The following SLC17A5 variants were observed in gnomAD, a reference collection of about 807,000 sequenced individuals.
The protein encoded by SLC17A5 is solute carrier family 17 member 5.
A neutral mutation model predicts 59.4 loss-of-function variants in SLC17A5; 47 were observed. The ratio of observed to expected loss-of-function variants is 0.79; its 90% CI spans 0.63 to 1.01. The LOEUF (loss-of-function observed/expected upper bound fraction) is 1.01. Ranked by LOEUF, SLC17A5 falls within the 50% of genes least tolerant of loss-of-function variation. SLC17A5 has a pLI of 0.00. For synonymous variants in SLC17A5, 202 were observed against 210.7 expected (o/e 0.96, Z 0.36); for missense variants, 522 against 595.5 (o/e 0.88, Z 1.28).
At chr6:73,644,684 C>A in intron 1 of SLC17A5, 81 bp from the exon 2 acceptor site, 14 of 1,373,818 alleles carry the variant, frequency 1.0e-5, no homozygotes, top group Non-Finnish European at 1.3e-5. Context: ...GTTGCTTAGG[C>A]TGGTCTTGAA....
At chr6:73,625,038 T>C (rs1768340633) in intron 6 of SLC17A5, among the ~76,000 whole-genome samples, 1 of 152,190 alleles carries the variant, frequency 6.6e-6, no homozygotes, top group Admixed American at 6.6e-5. Context: ...GAGCAATCTA[T>C]GTTTCTGCCT....
chr6:73,621,858 T>C lies in SLC17A5; in HGVS notation c.924A>G (p.Leu308=), dbSNP rs2150099285. 1 of 1,613,460 alleles carries C rather than the reference T, an allele frequency of 6.2e-7. No homozygotes were observed. The highest frequency in any genetic ancestry group is 8.5e-7 in the Non-Finnish European group (1 of 1,179,440). Residue 308 remains leucine, a synonymous_variant, in exon 7 of 11, where the codon TTA becomes TTG. Transcript: ENST00000355773. The part of the protein sequence containing the change: ...HFSYNWTFYT[L]LTLLPTYMKE... ...TCATATAAGTAGGCAATAATGTCAA[T>C]AAAGTATAAAAAGTCCAGTTGTAAG...
At chr6:73,606,080 C>T (rs1489518551) in intron 9 of SLC17A5, among the ~76,000 whole-genome samples, 1 of 152,010 alleles carries the variant, frequency 6.6e-6, no homozygotes, top group African/African-American at 2.4e-5. Context: ...TCTCACTCTG[C>T]AGCCCAGGCT....
At position 73,614,861 on chromosome 6, in the gene SLC17A5, TATA is replaced by T. The variant is rs376965494; in HGVS notation, c.1111+451_1111+453del. On this transcript the variant is annotated intron_variant, in intron 8 of 10. Coordinates refer to ENST00000355773, the MANE Select transcript of SLC17A5 (RefSeq NM_012434.5). The stretch of plus-strand genomic sequence containing the variant: ...CATCTATATCCTTTGCAATACCCTT[TATA>T]ATAAGTGGGTAAACATAAAATAAAG... Among the ~76,000 whole-genome samples the T allele has an allele frequency of 4.6e-5, 7 of 152,272 alleles. No individual in the cohort carries two copies. The South Asian group carries it at 8.3e-4, about 18-fold the overall frequency.
At chr6:73,643,317 C>T (rs1187565432) in intron 2 of SLC17A5, among the ~76,000 whole-genome samples, 5 of 151,482 alleles carry the variant, frequency 3.3e-5, no homozygotes, top group African/African-American at 4.9e-5. Context: ...CCCACCACCT[C>T]GCCCGTCTAA....
chr6:73,643,738 A>C lies in SLC17A5; in HGVS notation c.291+669T>G, dbSNP rs1356903835. On this transcript the variant is annotated intron_variant, in intron 2 of 10. Transcript: ENST00000355773. ...GTGATCCACCTGCCTCAGCCTCCTA[A>C]AGTGCTGGGATTACAGGCATGAGTC... Among the ~76,000 whole-genome samples, 4 of 152,176 alleles carry C rather than the reference A, an allele frequency of 2.6e-5. No individual in the cohort carries two copies. In the East Asian group the frequency reaches 7.7e-4, roughly 29 times the overall value.
chr6:73,627,898 A>T (rs1245309798), intron 6 of SLC17A5, among the ~76,000 whole-genome samples: 1 of 149,860 alleles, frequency 6.7e-6, no homozygotes, highest in African/African-American at 2.5e-5. Flanking sequence ...CTGGGATTAC[A>T]GGCGTGAGCC....
At chr6:73,626,037 G>A (rs1768393593) in intron 6 of SLC17A5, among the ~76,000 whole-genome samples, 1 of 152,230 alleles carries the variant, frequency 6.6e-6, no homozygotes, top group African/African-American at 2.4e-5. Flanking sequence ...CACAAAGGAA[G>A]TGAAATCATT....
chr6:73,624,038 G>A (rs1008772742), intron 6 of SLC17A5, among the ~76,000 whole-genome samples: 7 of 151,978 alleles, frequency 4.6e-5, no homozygotes, highest in South Asian at 2.1e-4. Context: ...CAACTACTTC[G>A]CCAAGCAAAA....
rs200139054 is a variant in SLC17A5 at position 73,644,528 on chromosome 6, C to A, written c.170G>T (p.Arg57Leu). The change falls in exon 2 of 11, where the codon CGT becomes CTT. Residue 57 changes from arginine (R) to leucine (L), a missense_variant. Physicochemically the swap from Arg to Leu is moderately radical, Grantham distance 102. Around this residue, in one of 3 missense-constraint regions of SLC17A5, gnomAD observed 338 missense variants for 363.8 expected, o/e 0.93. Coordinates refer to ENST00000355773, the MANE Select transcript of SLC17A5 (RefSeq NM_012434.5). ...FFGFFIVYALRVNLSVALVDM... is the reference protein window; with the variant it reads ...FFGFFIVYALLVNLSVALVDM... ...CACTAACGCAACACTCAGATTCACA[C>A]GTAATGCATACACAATGAAGAAACC... 6.2e-7 allele frequency: 1 copy of A among 1,613,924 alleles called. No individual in the cohort carries two copies.
Position 73,615,315 on chromosome 6 carries a change from C to T in SLC17A5, c.1111G>A (p.Gly371Arg), listed in dbSNP as rs1277966688. 6.2e-7 allele frequency: 1 copy of T among 1,613,982 alleles called. No homozygotes were observed. The change falls in exon 8 of 11, where the codon GGA becomes AGA. Residue 371 changes from glycine (G) to arginine (R), a missense_variant and splice_region_variant. Physicochemically the swap from Gly to Arg is moderately radical, Grantham distance 125 (BLOSUM62 -2). Around this residue, in one of 3 missense-constraint regions of SLC17A5, gnomAD observed 153 missense variants for 168.5 expected, o/e 0.91. Coordinates refer to ENST00000355773, the MANE Select transcript of SLC17A5 (RefSeq NM_012434.5). ...AACAAAACCTGATTGCTTCACTTAC[C>T]TATAAGGCTAAAAATTCTGCGAACA... The part of the protein sequence containing the change: ...LCVRRIFSLI[G>R]MIGPAVFLVA...
In SLC17A5 at chr6:73,609,916, T is replaced by C. The variant is rs551855378; in HGVS notation, c.1259+484A>G. On this transcript the variant is annotated intron_variant, in intron 9 of 10. Transcript: ENST00000355773. ...TTGTGTTTAACGGGTACAGTTTCTG[T>C]TGAGAAGATGAAATTGCTCTAGAGA... Among the ~76,000 whole-genome samples the C allele has an allele frequency of 2.0e-5, 3 of 152,280 alleles. No individual in the cohort carries two copies. In the South Asian group the frequency reaches 6.2e-4, roughly 32 times the overall value.
At chr6:73,633,604 C>A (rs1768865428) in intron 6 of SLC17A5, among the ~76,000 whole-genome samples, 1 of 151,758 alleles carries the variant, frequency 6.6e-6, no homozygotes, top group Non-Finnish European at 1.5e-5. Context: ...TTGGGCTAGG[C>A]ACAGTGGTTC....
chr6:73,609,549 G>C (rs1258893937), intron 9 of SLC17A5, among the ~76,000 whole-genome samples: 1 of 121,420 alleles, frequency 8.2e-6, no homozygotes, highest in African/African-American at 3.4e-5. Context: ...CAAATCAATT[G>C]GGTCTACTCT....
At position 73,597,515 on chromosome 6, in the gene SLC17A5, C is replaced by T. The variant is rs182782978; in HGVS notation, c.1351-2301G>A. ...AAAAAACCAAGCAGGCCAGGCATGGCGGCTCATGCCTGTAATCCCAGCACT... is the reference window on the plus strand; with the variant it reads ...AAAAAACCAAGCAGGCCAGGCATGGTGGCTCATGCCTGTAATCCCAGCACT... On this transcript the variant is annotated intron_variant, in intron 10 of 10. Transcript: ENST00000355773. Among the ~76,000 whole-genome samples, 270 of 149,502 alleles carry T rather than the reference C, an allele frequency of 1.8e-3. 1 individual carries two copies. The highest frequency in any genetic ancestry group is 6.1e-3 in the African/African-American group (249 of 40,620).
chr6:73,614,599 C>T (rs981501762), intron 8 of SLC17A5, among the ~76,000 whole-genome samples: 4 of 152,172 alleles, frequency 2.6e-5, no homozygotes, highest in Admixed American at 1.3e-4. Context: ...GGACTTTTGG[C>T]ACCACCCCCA....
intron 6 of SLC17A5, among the ~76,000 whole-genome samples, chr6:73,622,715 A>G (rs1768207718): frequency 6.6e-6 from 1 of 152,212 alleles, no homozygotes; most frequent in Non-Finnish European, 1.5e-5. Context: ...TTCAATTGAA[A>G]TGATTTATAA....
At chr6:73,598,608 G>C (rs1256259443) in intron 10 of SLC17A5, among the ~76,000 whole-genome samples, 1 of 152,082 alleles carries the variant, frequency 6.6e-6, no homozygotes, top group African/African-American at 2.4e-5. Flanking sequence ...TCCAACCTGG[G>C]GGACGAGTGA....
At chr6:73,595,982 T>A (rs137925056) in intron 10 of SLC17A5, among the ~76,000 whole-genome samples, 26 of 137,260 alleles carry the variant, frequency 1.9e-4, no homozygotes, top group African/African-American at 6.0e-4. Flanking sequence ...ATATATATAT[T>A]TTTGGTAGAG....
Sources: allele counts gnomAD v4.1 joint callset (sites outside exome capture counted in the v4.1 genomes callset), GRCh38; gene constraint gnomAD v4.1.1; regional missense constraint gnomAD v4.1.1; transcripts MANE v1.5; gene names NCBI Gene and HGNC (gene_info 2026-07-23, HGNC 2026-07-21).